Variants in CPED1 observed in about 807,000 individuals in gnomAD.
The protein encoded by CPED1 is cadherin-like and PC-esterase domain-containing protein 1.
Under a neutral mutation model 128.2 loss-of-function variants are expected in CPED1, and 114 were observed. That is an observed-to-expected ratio of 0.89 (90% CI 0.76 to 1.04). The LOEUF (loss-of-function observed/expected upper bound fraction) is 1.04, where lower values mean the gene tolerates loss of function less well. Ranked by LOEUF, CPED1 falls within the 50% of genes least tolerant of loss-of-function variation. The pLI is 0.00. For synonymous variants in CPED1, 462 were observed against 426.7 expected, an observed-to-expected ratio of 1.08 and a Z score of -1.02; for missense variants, 1,211 against 1,207.1, an observed-to-expected ratio of 1.00 and a Z score of -0.05.
intron 16 of CPED1, among the ~76,000 whole-genome samples, chr7:121,229,809 C>T (rs1199585928): frequency 6.6e-6 from 1 of 151,716 alleles, no homozygotes; most frequent in Non-Finnish European, 1.5e-5. Flanking sequence ...TTTTTTAGTT[C>T]ACGTCCTAAA....
intron 7 of CPED1, among the ~76,000 whole-genome samples, chr7:121,122,767 CATTAAGAA>C (rs1019041250): frequency 6.6e-6 from 1 of 152,132 alleles, no homozygotes; most frequent in African/African-American, 2.4e-5. Context: ...CTCACTGCTA[CATTAAGAA>C]ATTAAGAAAT....
At position 121,098,836 on chromosome 7, in the gene CPED1, T is replaced by A. The variant is rs565308870; in HGVS notation, c.749+1005T>A. Among the ~76,000 whole-genome samples the A allele has an allele frequency of 2.1e-3, 303 of 145,414 alleles. 3 individuals carry two copies. Among genetic ancestry groups the A allele is most frequent in the African/African-American group, 7.1e-3 (283 of 39,964 alleles). On this transcript the variant is annotated intron_variant, in intron 6 of 22. Transcript: ENST00000310396. ...AATAATATATATATAAATATATATA[T>A]AAATATATATGTATAAAAGCACAGT... is the stretch of plus-strand genomic sequence containing the variant.
rs370216355 is a variant in CPED1, at chr7:121,181,758, T to G, written c.2055+39617T>G. ...GAGAAAGGTTCAATTATTAAGTTCC[T>G]TTTACAAATAAGAAAAATAAAACAA... On this transcript the variant is annotated intron_variant, in intron 16 of 22. Coordinates refer to ENST00000310396, the MANE Select transcript of CPED1 (RefSeq NM_024913.5). Among the ~76,000 whole-genome samples the G allele has an allele frequency of 5.9e-5, 9 of 152,252 alleles. 1 individual carries two copies. Among genetic ancestry groups the G allele is most frequent in the African/African-American group, 1.9e-4 (8 of 41,576 alleles).
chr7:121,140,207 A>G (rs950889205), intron 14 of CPED1, among the ~76,000 whole-genome samples: 9 of 151,982 alleles, frequency 5.9e-5, no homozygotes, highest in African/African-American at 2.2e-4. Context: ...AGATTCTATG[A>G]CAGGATGGAG....
intron 16 of CPED1, among the ~76,000 whole-genome samples, chr7:121,217,161 A>G (rs1293606717): frequency 1.3e-5 from 2 of 151,910 alleles, no homozygotes; most frequent in Admixed American, 6.6e-5. Flanking sequence ...TCCTTGGATC[A>G]AGCAATCCTC....
chr7:121,142,146 G>A lies in CPED1; in HGVS notation c.2055+5G>A. On this transcript the variant is annotated splice_donor_5th_base_variant and intron_variant, in intron 16 of 22. Transcript: ENST00000310396. ...ACAGCATGTGGTTTTGTGCAGGTAA[G>A]TGAAGTTTACATTTGCACTTGGGTT... The A allele has an allele frequency of 6.3e-7, 1 of 1,589,482 alleles. No individual in the cohort carries two copies. Among genetic ancestry groups the A allele is most frequent in the African/African-American group, 1.3e-5 (1 of 74,666 alleles).
At chr7:121,118,541 A>G (rs1409013500) in intron 7 of CPED1, among the ~76,000 whole-genome samples, 5 of 148,716 alleles carry the variant, frequency 3.4e-5, no homozygotes, top group Admixed American at 6.8e-5. Context: ...GCCTGGCTAC[A>G]GAGCAAGACT....
At chr7:121,223,574 A>AATCC (rs1441253380) in intron 16 of CPED1, among the ~76,000 whole-genome samples, 1 of 152,172 alleles carries the variant, frequency 6.6e-6, no homozygotes, top group Non-Finnish European at 1.5e-5. Context: ...TTTGGCTATG[A>AATCC]ATCCATCAGG....
At chr7:121,138,684 T>C (rs1360727699) in intron 14 of CPED1, among the ~76,000 whole-genome samples, 6 of 152,058 alleles carry the variant, frequency 3.9e-5, no homozygotes, top group Admixed American at 3.3e-4. Context: ...TATAAAAATA[T>C]ATTCTATCAA....
intron 16 of CPED1, among the ~76,000 whole-genome samples, chr7:121,204,326 G>A (rs1394713206): frequency 1.3e-5 from 2 of 152,042 alleles, no homozygotes; most frequent in African/African-American, 4.8e-5. Context: ...AAAAGGATCA[G>A]AAAAGGGATA....
chr7:121,188,362 C>T (rs1392259697), intron 16 of CPED1, among the ~76,000 whole-genome samples: 3 of 152,020 alleles, frequency 2.0e-5, no homozygotes, highest in Admixed American at 2.0e-4. Flanking sequence ...GTGAAATAAG[C>T]ACATGATAGA....
chr7:121,135,339 A>C (rs1313441237), intron 13 of CPED1, among the ~76,000 whole-genome samples: 1 of 152,086 alleles, frequency 6.6e-6, no homozygotes, highest in Admixed American at 6.6e-5. Flanking sequence ...ATTTAGCCCA[A>C]TACAGTGGTT....
chr7:121,109,486 G>A (rs1242744307), intron 7 of CPED1, among the ~76,000 whole-genome samples: 1 of 152,088 alleles, frequency 6.6e-6, no homozygotes, highest in East Asian at 1.9e-4. Context: ...GAAATTCCAA[G>A]CATCCCTTTA....
At chr7:121,053,564 T>A (rs901386203) in intron 4 of CPED1, among the ~76,000 whole-genome samples, 2 of 152,238 alleles carry the variant, frequency 1.3e-5, no homozygotes, top group Non-Finnish European at 2.9e-5. Context: ...TTTTTCCCCA[T>A]ATAATTCATA....
At chr7:121,070,688 C>A (rs1793962994) in intron 5 of CPED1, among the ~76,000 whole-genome samples, 1 of 152,098 alleles carries the variant, frequency 6.6e-6, no homozygotes, top group East Asian at 1.9e-4. Context: ...AGCCATCCAT[C>A]CCCAAAACTT....
Position 121,124,398 on chromosome 7 carries a change from A to T in CPED1, c.986A>T (p.Glu329Val), listed in dbSNP as rs1795453195. Residue 329 changes from glutamate (E) to valine (V), a missense_variant, in exon 8 of 23, where the codon GAA becomes GTA. By Grantham distance (121) the Glu-to-Val change is moderately radical. Coordinates refer to ENST00000310396, the MANE Select transcript of CPED1 (RefSeq NM_024913.5). ...SPQQAFDIMK[E>V]AIGKLLLAAE... ...CAACAGGCTTTTGACATTATGAAGGAAGCAATTGGCAAACTACTGCTAGCG... is the reference window on the plus strand; with the variant it reads ...CAACAGGCTTTTGACATTATGAAGGTAGCAATTGGCAAACTACTGCTAGCG... 6.2e-7 allele frequency: 1 copy of T among 1,608,678 alleles called. No homozygotes were observed. Among genetic ancestry groups the T allele is most frequent in the Non-Finnish European group, 8.5e-7 (1 of 1,176,640 alleles).
intron 16 of CPED1, among the ~76,000 whole-genome samples, chr7:121,211,690 G>A (rs537876876): frequency 6.6e-6 from 1 of 152,192 alleles, no homozygotes; most frequent in Admixed American, 6.6e-5. Flanking sequence ...CTTCAGCTGA[G>A]TGGAGAGAGG....
chr7:121,047,486 T>A (rs746533885), intron 4 of CPED1, among the ~76,000 whole-genome samples: 2 of 152,154 alleles, frequency 1.3e-5, no homozygotes, highest in Non-Finnish European at 2.9e-5. Context: ...GTTTACCATG[T>A]GCTAATCACT....
intron 18 of CPED1, among the ~76,000 whole-genome samples, chr7:121,249,000 T>C (rs1172960285): frequency 6.6e-6 from 1 of 152,134 alleles, no homozygotes; most frequent in Non-Finnish European, 1.5e-5. Context: ...ACTTCTAGAC[T>C]TGAAAAAATT....
Sources: allele counts gnomAD v4.1 joint callset (sites outside exome capture counted in the v4.1 genomes callset), GRCh38; gene constraint gnomAD v4.1.1; transcripts MANE v1.5; gene names NCBI Gene and HGNC (gene_info 2026-07-23, HGNC 2026-07-21).